Variants in EML6 observed in about 807,000 individuals in gnomAD.
EML6 encodes the protein EMAP like 6.
In EML6, 154 loss-of-function variants were observed where a neutral mutation model predicts 240.1. The ratio of observed to expected loss-of-function variants is 0.64; its 90% CI spans 0.56 to 0.73. EML6 has a LOEUF of 0.73. Among genes scored for constraint, EML6 ranks in the 30% least tolerant of loss-of-function variants. The pLI, the probability that EML6 is intolerant of heterozygous loss-of-function variation, is 0.00. For missense variants in EML6, 2,964 were observed against 2,474.6 expected (o/e 1.20, Z -4.20); for synonymous variants, 1,148 against 899.0 (o/e 1.28, Z -4.95).
intron 2 of EML6, among the ~76,000 whole-genome samples, chr2:54,807,475 C>T (rs961345897): frequency 8.5e-5 from 13 of 152,112 alleles, no homozygotes; most frequent in Admixed American, 3.9e-4. Context: ...TAAGTCTAGA[C>T]AATCAACAAA....
At chr2:54,742,013 C>A (rs1395780531) in intron 2 of EML6, among the ~76,000 whole-genome samples, 2 of 152,196 alleles carry the variant, frequency 1.3e-5, no homozygotes, top group Non-Finnish European at 2.9e-5. Flanking sequence ...GTGGAGAAAC[C>A]TGGCAACCCA....
chr2:54,793,976 A>G (rs1209511508), intron 2 of EML6, among the ~76,000 whole-genome samples: 2 of 152,224 alleles, frequency 1.3e-5, no homozygotes, highest in African/African-American at 4.8e-5. Context: ...GTTTCCCTGA[A>G]ATAGCTCTTC....
chr2:54,893,568 G>A (rs981912306), intron 19 of EML6, among the ~76,000 whole-genome samples: 9 of 152,134 alleles, frequency 5.9e-5, no homozygotes, highest in Middle Eastern at 3.2e-3. Flanking sequence ...TTTGGAGGGG[G>A]CTAATATTTA....
intron 2 of EML6, among the ~76,000 whole-genome samples, chr2:54,802,967 G>C (rs796400692): frequency 6.6e-6 from 1 of 152,132 alleles, no homozygotes; most frequent in Admixed American, 6.5e-5. Context: ...AAGAGTCAAC[G>C]ATGGGTTTCC....
At chr2:54,848,399 A>G (rs1669885180) in intron 9 of EML6, among the ~76,000 whole-genome samples, 1 of 152,150 alleles carries the variant, frequency 6.6e-6, no homozygotes, top group Non-Finnish European at 1.5e-5. Context: ...CTACATTCTC[A>G]CTACCAACCA....
chr2:54,822,710 A>G (rs975521133), intron 5 of EML6, among the ~76,000 whole-genome samples: 1 of 152,210 alleles, frequency 6.6e-6, no homozygotes, highest in Non-Finnish European at 1.5e-5. Flanking sequence ...TATGTGGGAA[A>G]TACATTAGAA....
chr2:54,847,473 T>C lies in EML6; in HGVS notation c.1050-13T>C. The C allele has an allele frequency of 1.0e-5, 16 of 1,549,778 alleles. No homozygotes were observed. Among genetic ancestry groups the C allele is most frequent in the Non-Finnish European group, 1.4e-5 (16 of 1,146,262 alleles). Reference sequence around the variant, plus strand: ...TTGGTTTTGTTTTGTTTTGACTTCGTTCTTGTGCCTAGGCTGTGGAGCCTG... The same window carrying C: ...TTGGTTTTGTTTTGTTTTGACTTCGCTCTTGTGCCTAGGCTGTGGAGCCTG... On this transcript the variant is annotated splice_polypyrimidine_tract_variant and intron_variant, in intron 8 of 41. Coordinates refer to ENST00000356458, the MANE Select transcript of EML6 (RefSeq NM_001039753.4).
chr2:54,875,681 A>G, intron 16 of EML6, among the ~76,000 whole-genome samples: 1 of 152,240 alleles, frequency 6.6e-6, no homozygotes. Context: ...TAACTGGGCT[A>G]CAAGGACAAG....
rs1388037460 is a variant in EML6, at chr2:54,820,456, C to T, written c.519C>T (p.His173=). 2 of 1,540,868 alleles carry T rather than the reference C, an allele frequency of 1.3e-6. No individual in the cohort carries two copies. The highest frequency in any genetic ancestry group is 1.4e-5 in the African/African-American group (1 of 72,670). The change falls in exon 5 of 42, where the codon CAC becomes CAT. Residue 173 remains histidine (H), a synonymous_variant. Coordinates refer to ENST00000356458, the MANE Select transcript of EML6 (RefSeq NM_001039753.4). ...PNRVVSCGVK[H]IKFWTLCGNA... is the part of the protein sequence containing the mutation. ...GAGTGGTTAGCTGTGGAGTAAAACACATAAAGGTAAAGCTTTTTGTTTTTT... is the reference window on the plus strand; with the variant it reads ...GAGTGGTTAGCTGTGGAGTAAAACATATAAAGGTAAAGCTTTTTGTTTTTT...
chr2:54,904,827 G>C (rs1673234070), intron 24 of EML6, among the ~76,000 whole-genome samples: 1 of 152,126 alleles, frequency 6.6e-6, no homozygotes, highest in South Asian at 2.1e-4. Flanking sequence ...GATGATGAAG[G>C]CCTCTGCCAA....
intron 26 of EML6, among the ~76,000 whole-genome samples, chr2:54,919,057 T>A (rs1674080270): frequency 6.6e-6 from 1 of 152,232 alleles, no homozygotes; most frequent in Admixed American, 6.5e-5. Flanking sequence ...TTCCTAAACT[T>A]TTCAGCTATT....
chr2:54,944,663 C>G (rs908371361), intron 28 of EML6, among the ~76,000 whole-genome samples: 2 of 152,120 alleles, frequency 1.3e-5, no homozygotes, highest in African/African-American at 4.8e-5. Flanking sequence ...AGACACAAAG[C>G]TGTGTGATAG....
chr2:54,934,201 AAAAT>A (rs1675012415), intron 28 of EML6, among the ~76,000 whole-genome samples: 1 of 152,216 alleles, frequency 6.6e-6, no homozygotes, highest in African/African-American at 2.4e-5. Flanking sequence ...ATGGAAGTGA[AAAAT>A]AAAAGTAGGA....
At chr2:54,893,503 T>A (rs974912663) in intron 19 of EML6, among the ~76,000 whole-genome samples, 5 of 152,196 alleles carry the variant, frequency 3.3e-5, no homozygotes, top group African/African-American at 1.2e-4. Flanking sequence ...TAGTCAACTC[T>A]GAAAGTTCCC....
At chr2:54,785,044 C>T (rs903508652) in intron 2 of EML6, among the ~76,000 whole-genome samples, 1 of 152,098 alleles carries the variant, frequency 6.6e-6, no homozygotes, top group Non-Finnish European at 1.5e-5. Context: ...GGAACACCTC[C>T]AGCCTAGATC....
chr2:54,845,479 C>T (rs1349336304), intron 8 of EML6, among the ~76,000 whole-genome samples: 2 of 152,178 alleles, frequency 1.3e-5, no homozygotes, highest in Non-Finnish European at 2.9e-5. Flanking sequence ...ATCTTATTCC[C>T]TTTAACCATT....
At chr2:54,948,134 C>A (rs1436397968) in intron 28 of EML6, among the ~76,000 whole-genome samples, 1 of 152,174 alleles carries the variant, frequency 6.6e-6, no homozygotes. Context: ...GGAAACCCCA[C>A]GTCACCAAGA....
intron 28 of EML6, among the ~76,000 whole-genome samples, chr2:54,930,434 C>G (rs1674791375): frequency 6.6e-6 from 1 of 151,958 alleles, no homozygotes; most frequent in Admixed American, 6.6e-5. Flanking sequence ...TTTTAAAATT[C>G]AGAATTTTCA....
chr2:54,803,339 T>C (rs1670281421), intron 2 of EML6, among the ~76,000 whole-genome samples: 2 of 152,172 alleles, frequency 1.3e-5, no homozygotes, highest in Admixed American at 6.5e-5. Flanking sequence ...AGGACCTCAA[T>C]TTAGCCCTAT....
Sources: gnomAD v4.1 joint callset for allele counts (sites outside exome capture counted in the v4.1 genomes callset) on GRCh38, gnomAD v4.1.1 for gene constraint, MANE v1.5 for transcripts, NCBI Gene and HGNC (gene_info 2026-07-23, HGNC 2026-07-21) for gene names.